The following OPTN variants were observed in gnomAD, a reference collection of about 807,000 sequenced individuals.
The protein encoded by OPTN is optineurin.
OPTN carries 54 observed loss-of-function variants against 70.4 expected under a neutral mutation model. The ratio of observed to expected loss-of-function variants is 0.77; its 90% CI spans 0.62 to 0.96. The LOEUF is 0.96. Ranked by LOEUF, OPTN falls within the 40% of genes least tolerant of loss-of-function variation. The pLI is 0.00. For synonymous variants in OPTN, 256 were observed against 248.5 expected, an observed-to-expected ratio of 1.03 and a Z score of -0.28; for missense variants, 624 against 673.2, an observed-to-expected ratio of 0.93 and a Z score of 0.81.
At chr10:13,115,003 A>T (rs28480223) in intron 5 of OPTN, among the ~76,000 whole-genome samples, 51 of 19,346 alleles carry the variant, frequency 2.6e-3, no homozygotes, top group South Asian at 3.8e-3. Flanking sequence ...ATTTATATAT[A>T]TTTATATATA....
chr10:13,120,507 C>T (rs959898038), intron 7 of OPTN, among the ~76,000 whole-genome samples: 4 of 148,830 alleles, frequency 2.7e-5, no homozygotes, highest in Admixed American at 1.3e-4. Flanking sequence ...TGGCCTGGCG[C>T]GGTGGCCAAA....
chr10:13,126,794 A>C (rs1436281292), intron 11 of OPTN, among the ~76,000 whole-genome samples: 1 of 152,168 alleles, frequency 6.6e-6, no homozygotes, highest in African/African-American at 2.4e-5. Context: ...TTGGGAGGCC[A>C]AGGCTGGAGG....
chr10:13,121,499 G>A (rs1162961155), intron 7 of OPTN, among the ~76,000 whole-genome samples: 1 of 38,310 alleles, frequency 2.6e-5, no homozygotes, highest in Admixed American at 3.6e-4. Flanking sequence ...TGATTATCCT[G>A]TAAAAAAAAA....
intron 6 of OPTN, among the ~76,000 whole-genome samples, chr10:13,116,922 C>T (rs1013406966): frequency 1.3e-5 from 2 of 152,068 alleles, no homozygotes; most frequent in East Asian, 3.9e-4. Flanking sequence ...GTGGCAGGGC[C>T]TTGGGGAGGG....
rs1165425749 is a variant in OPTN, at chr10:13,112,152, CT to C, written c.370-283del. ...GCGTGAGCCACCACGCCTGGCTTGGCTTTTTTTTTTTTTTTTTTGAGACAGG... is the reference window on the plus strand; with the variant it reads ...GCGTGAGCCACCACGCCTGGCTTGGCTTTTTTTTTTTTTTTTTGAGACAGG... On this transcript the variant is annotated intron_variant, in intron 4 of 14. Transcript: ENST00000378747. Among the ~76,000 whole-genome samples the C allele has an allele frequency of 5.7e-3, 695 of 122,814 alleles. 8 individuals carry two copies. Among genetic ancestry groups the C allele is most frequent in the Middle Eastern group, 0.015 (3 of 204 alleles). 80.6% of individuals were successfully genotyped at this position (122,814 alleles called of 152,430 possible).
chr10:13,125,671 T>C (rs1833442796), intron 10 of OPTN, 104 bp downstream of exon 10: 2 of 1,433,784 alleles, frequency 1.4e-6, no homozygotes, highest in African/African-American at 2.8e-5. Flanking sequence ...AAAAAATTTC[T>C]TTTTCACTTA....
intron 1 of OPTN, among the ~76,000 whole-genome samples, chr10:13,107,816 A>C (rs539942424): frequency 5.3e-5 from 8 of 152,194 alleles, no homozygotes; most frequent in African/African-American, 1.9e-4. Context: ...AGCGGGGAGG[A>C]GTTGCCTTTG....
chr10:13,112,677 G>T, intron 5 of OPTN, 42 bp downstream of exon 5: 2 of 1,579,786 alleles, frequency 1.3e-6, no homozygotes, highest in Non-Finnish European at 1.7e-6. Flanking sequence ...AAACTATAAA[G>T]CCTCCCCTGG....
intron 14 of OPTN, among the ~76,000 whole-genome samples, chr10:13,135,792 C>T (rs1833686324): frequency 6.6e-6 from 1 of 152,170 alleles, no homozygotes; most frequent in South Asian, 2.1e-4. Context: ...TATCCTCATT[C>T]ATCCCTTTTC....
chr10:13,117,383 A>G (rs1316685605), intron 6 of OPTN, among the ~76,000 whole-genome samples: 1 of 129,070 alleles, frequency 7.7e-6, no homozygotes, highest in Admixed American at 8.3e-5. Flanking sequence ...CCCGGCCAGG[A>G]TCTCTTATCT....
In OPTN at chr10:13,122,475, A is replaced by G. The variant is rs567345545; in HGVS notation, c.870A>G (p.Lys290=). Reference sequence around the variant, plus strand: ...CAGAGAAAGAGAATGATGAAGAGAAAGGCCCGGAGACTGTGAGTCCTAAGA... The same window carrying G: ...CAGAGAAAGAGAATGATGAAGAGAAGGGCCCGGAGACTGTGAGTCCTAAGA... ...GSTEKENDEE[K]GPETVGSEVE... is the part of the protein sequence containing the mutation. The change falls in exon 8 of 15, where the codon AAA becomes AAG. Residue 290 remains lysine, a synonymous_variant. Transcript: ENST00000378747. The G allele has an allele frequency of 1.2e-6, 2 of 1,612,612 alleles. No individual in the cohort carries two copies. Among genetic ancestry groups the G allele is most frequent in the African/African-American group, 2.7e-5 (2 of 75,030 alleles).
At chr10:13,108,508 G>A (rs551658695) in intron 2 of OPTN, among the ~76,000 whole-genome samples, 12 of 149,414 alleles carry the variant, frequency 8.0e-5, no homozygotes, top group Admixed American at 3.3e-4. Flanking sequence ...TCATACCCTC[G>A]TCTCCCTCCC....
intron 7 of OPTN, among the ~76,000 whole-genome samples, chr10:13,122,173 AC>A (rs918256954): frequency 1.3e-5 from 2 of 152,178 alleles, no homozygotes; most frequent in African/African-American, 4.8e-5. Flanking sequence ...CTTGCCTTTT[AC>A]CTCTGTGTGT....
rs760738723 is a variant in OPTN at position 13,136,873 on chromosome 10, A to C, written c.*7A>C. 52 of 1,614,040 alleles carry C rather than the reference A, an allele frequency of 3.2e-5. No individual in the cohort carries two copies. Among genetic ancestry groups the C allele is most frequent in the Non-Finnish European group, 4.1e-5 (48 of 1,180,018 alleles). ...GATGGATTGCATCATTTAAGTGTTGATGTATCACCTCCCCAAAACTGTTGG... is the reference window on the plus strand; with the variant it reads ...GATGGATTGCATCATTTAAGTGTTGCTGTATCACCTCCCCAAAACTGTTGG... On this transcript the variant is annotated 3_prime_UTR_variant, in exon 15 of 15. Coordinates refer to ENST00000378747, the MANE Select transcript of OPTN (RefSeq NM_001008212.2).
intron 7 of OPTN, among the ~76,000 whole-genome samples, chr10:13,120,987 A>G (rs1474637509): frequency 6.6e-6 from 1 of 152,240 alleles, no homozygotes; most frequent in Non-Finnish European, 1.5e-5. Context: ...CCACACACTT[A>G]GAAAACCATC....
intron 4 of OPTN, among the ~76,000 whole-genome samples, chr10:13,111,697 G>A (rs7905921): frequency 0.96 from 145,240 of 150,756 alleles, 70,084 homozygotes; most frequent in Non-Finnish European, 0.99. Flanking sequence ...CTCTGTCTGG[G>A]AAAAAAAAAT....
intron 7 of OPTN, 114 bp from the exon 8 acceptor site, chr10:13,122,271 C>T: frequency 1.3e-6 from 1 of 755,052 alleles, no homozygotes; most frequent in South Asian, 1.5e-5. Flanking sequence ...TTTTGAAAAC[C>T]CCTGATCCTT....
intron 11 of OPTN, 109 bp from the exon 12 acceptor site, chr10:13,127,636 C>G: frequency 8.1e-7 from 1 of 1,241,630 alleles, no homozygotes. Flanking sequence ...CATGAGCCAC[C>G]ACACCCGGCC....
At chr10:13,112,431 C>T (rs755458443) in intron 4 of OPTN, 22 bp from the exon 5 acceptor site, 1 of 1,612,726 alleles carries the variant, frequency 6.2e-7, no homozygotes, top group Non-Finnish European at 8.5e-7. Context: ...TGTTCATTCA[C>T]TTTACTCCTT....
Sources: gnomAD v4.1 joint callset for allele counts (sites outside exome capture counted in the v4.1 genomes callset) on GRCh38, gnomAD v4.1.1 for gene constraint, MANE v1.5 for transcripts, NCBI Gene and HGNC (gene_info 2026-07-23, HGNC 2026-07-21) for gene names.